Variants in ATP10A observed in about 807,000 individuals in gnomAD.
ATP10A encodes the protein phospholipid-transporting ATPase VA.
In ATP10A, 111 loss-of-function variants were observed where a neutral mutation model predicts 147.8. The observed-to-expected ratio is 0.75, with a 90% CI of 0.64 to 0.88. ATP10A has a LOEUF of 0.88. Ranked by LOEUF, ATP10A falls within the 40% of genes least tolerant of loss-of-function variation. The pLI, the probability that ATP10A is intolerant of heterozygous loss-of-function variation, is 0.00. For synonymous variants in ATP10A, 875 were observed against 841.6 expected, an observed-to-expected ratio of 1.04 and a Z score of -0.69; for missense variants, 1,927 against 1,959.0, an observed-to-expected ratio of 0.98 and a Z score of 0.31.
At chr15:25,705,260 C>G (rs1186402916) in intron 12 of ATP10A, among the ~76,000 whole-genome samples, 1 of 151,762 alleles carries the variant, frequency 6.6e-6, no homozygotes, top group Non-Finnish European at 1.5e-5. Context: ...GAGTGAGACC[C>G]TGTCTCTACC....
chr15:25,806,684 C>T (rs12591208), intron 1 of ATP10A, among the ~76,000 whole-genome samples: 81,941 of 151,970 alleles, frequency 0.54, 23,376 homozygotes, highest in East Asian at 0.8. Context: ...ATGCATCTAA[C>T]GTACAAAATA....
chr15:25,724,106 AT>A, intron 5 of ATP10A, 85 bp from the exon 6 acceptor site: 2 of 1,320,172 alleles, frequency 1.5e-6, no homozygotes, highest in Non-Finnish European at 2.0e-6. Flanking sequence ...AAACTTTAAT[AT>A]TTGTTACCTG....
chr15:25,775,541 A>G (rs1449478098), intron 2 of ATP10A, among the ~76,000 whole-genome samples: 1 of 151,974 alleles, frequency 6.6e-6, no homozygotes, highest in Non-Finnish European at 1.5e-5. Flanking sequence ...AAGTTTCCAT[A>G]CTCCTTTTAT....
chr15:25,790,277 T>C (rs1468464716), intron 1 of ATP10A, among the ~76,000 whole-genome samples: 1 of 152,216 alleles, frequency 6.6e-6, no homozygotes, highest in Non-Finnish European at 1.5e-5. Context: ...TACAGTAGTG[T>C]AGACTAGATG....
At chr15:25,805,349 G>T (rs1891134666) in intron 1 of ATP10A, among the ~76,000 whole-genome samples, 1 of 152,216 alleles carries the variant, frequency 6.6e-6, no homozygotes, top group Admixed American at 6.5e-5. Flanking sequence ...TCCAGGAAAA[G>T]AGATGCTGCC....
intron 1 of ATP10A, among the ~76,000 whole-genome samples, chr15:25,819,800 A>C (rs956455763): frequency 6.6e-6 from 1 of 152,224 alleles, no homozygotes; most frequent in Non-Finnish European, 1.5e-5. Context: ...GGAGGTTGTT[A>C]TCTTAAGTGA....
intron 2 of ATP10A, among the ~76,000 whole-genome samples, chr15:25,760,273 C>G (rs1454244107): frequency 6.6e-6 from 1 of 152,174 alleles, no homozygotes; most frequent in Non-Finnish European, 1.5e-5. Flanking sequence ...ACTGTCAAAA[C>G]ATGGAATGAT....
At chr15:25,797,502 T>C (rs943513206) in intron 1 of ATP10A, among the ~76,000 whole-genome samples, 62 of 152,260 alleles carry the variant, frequency 4.1e-4, no homozygotes, top group African/African-American at 1.5e-3. Context: ...CTTCCTGACT[T>C]TCTGCCACAC....
At chr15:25,820,867 G>T (rs997864265) in intron 1 of ATP10A, among the ~76,000 whole-genome samples, 15 of 152,178 alleles carry the variant, frequency 9.9e-5, no homozygotes, top group African/African-American at 2.6e-4. Flanking sequence ...GGGTTCAAAA[G>T]AACTTTTTAA....
At chr15:25,821,294 T>A (rs1234864367) in intron 1 of ATP10A, among the ~76,000 whole-genome samples, 1 of 151,634 alleles carries the variant, frequency 6.6e-6, no homozygotes. Flanking sequence ...GAAGCTGAGG[T>A]GGGAGGATCA....
chr15:25,673,853 G>A (rs74003859), downstream of ATP10A, among the ~76,000 whole-genome samples: 26,482 of 152,134 alleles, frequency 0.17, 3,852 homozygotes, highest in African/African-American at 0.4. Context: ...TGGCAGCCTG[G>A]CTGGGCTGCC....
downstream of ATP10A, among the ~76,000 whole-genome samples, chr15:25,672,340 A>G (rs1338052794): frequency 6.6e-6 from 1 of 152,238 alleles, no homozygotes; most frequent in African/African-American, 2.4e-5. Flanking sequence ...AAGACGGAAT[A>G]ATATCCCCTT....
chr15:25,848,411 C>T (rs1300338074), intron 1 of ATP10A, among the ~76,000 whole-genome samples: 1 of 152,148 alleles, frequency 6.6e-6, no homozygotes, highest in African/African-American at 2.4e-5. Context: ...GCCTCAGCCT[C>T]CTGAGGACCT....
intron 2 of ATP10A, among the ~76,000 whole-genome samples, chr15:25,742,434 C>T (rs1265003272): frequency 1.3e-5 from 2 of 152,216 alleles, no homozygotes; most frequent in African/African-American, 2.4e-5. Context: ...CAGCTTTTCC[C>T]TTGTTAAATT....
chr15:25,780,151 A>AGG, intron 2 of ATP10A, among the ~76,000 whole-genome samples: 1 of 152,358 alleles, frequency 6.6e-6, no homozygotes, highest in South Asian at 2.1e-4. Context: ...CCACTGCCCC[A>AGG]GGGAAGCCCG....
At chr15:25,711,973 G>A (rs1234929892) in intron 10 of ATP10A, among the ~76,000 whole-genome samples, 1 of 152,184 alleles carries the variant, frequency 6.6e-6, no homozygotes, top group African/African-American at 2.4e-5. Flanking sequence ...AGGGGCCTCT[G>A]GAGGCCAGGC....
At chr15:25,766,070 G>A (rs988348607) in intron 2 of ATP10A, among the ~76,000 whole-genome samples, 10 of 152,208 alleles carry the variant, frequency 6.6e-5, no homozygotes, top group African/African-American at 2.4e-4. Context: ...GGTGCAAGGT[G>A]AAAGGCACTT....
At chr15:25,845,812 T>TC (rs1305112567) in intron 1 of ATP10A, among the ~76,000 whole-genome samples, 1 of 152,086 alleles carries the variant, frequency 6.6e-6, no homozygotes, top group African/African-American at 2.4e-5. Flanking sequence ...GCAGAATGTC[T>TC]CCACGGACGA....
rs967383915 is a variant in ATP10A at position 25,804,165 on chromosome 15, G to A, written c.450-22942C>T. ...TTGTGCTTAGTGTGTGATGTGAGGT[G>A]TTTGTGATGTGAGGCTGTGTTTGTA... On this transcript the variant is annotated intron_variant, in intron 1 of 20. Transcript: ENST00000555815. 2.0e-5 allele frequency among the ~76,000 whole-genome samples: 3 copies of A among 150,724 alleles called. No individual in the cohort carries two copies. In the East Asian group the frequency reaches 6.0e-4, roughly 30 times the overall value.
Sources: gnomAD v4.1 joint callset for allele counts (sites outside exome capture counted in the v4.1 genomes callset) on GRCh38, gnomAD v4.1.1 for gene constraint, MANE v1.5 for transcripts, NCBI Gene and HGNC (gene_info 2026-07-23, HGNC 2026-07-21) for gene names.